FRRS1: variants seen among roughly 807,000 people sequenced by gnomAD.
FRRS1 encodes the protein ferric chelate reductase 1, also known as ferric reductase 1.
A neutral mutation model predicts 70.7 loss-of-function variants in FRRS1; 51 were observed. That is an observed-to-expected ratio of 0.72 (90% CI 0.58 to 0.91). The LOEUF is 0.91. Ranked by LOEUF, FRRS1 falls within the 40% of genes least tolerant of loss-of-function variation. The pLI is 0.00. For synonymous variants in FRRS1, 225 were observed against 238.7 expected (o/e 0.94, Z 0.53); for missense variants, 672 against 726.0 (o/e 0.93, Z 0.86).
intron 7 of FRRS1, among the ~76,000 whole-genome samples, chr1:99,735,857 T>C (rs953781090): frequency 1.3e-5 from 2 of 152,216 alleles, no homozygotes; most frequent in African/African-American, 4.8e-5. Flanking sequence ...CCCTCTTGCT[T>C]ACAGGTTTTA....
intron 7 of FRRS1, among the ~76,000 whole-genome samples, chr1:99,733,463 A>C (rs1018622003): frequency 1.3e-5 from 2 of 152,242 alleles, no homozygotes; most frequent in Non-Finnish European, 2.9e-5. Context: ...AATGCATGAA[A>C]GTATGAATGG....
At chr1:99,712,541 G>A (rs2100902127) in intron 12 of FRRS1, 26 bp from the exon 13 acceptor site, 1 of 1,288,214 alleles carries the variant, frequency 7.8e-7, no homozygotes, top group Non-Finnish European at 1.1e-6. Flanking sequence ...TCATTTTAAT[G>A]GCCTCAATCT....
At position 99,741,108 on chromosome 1, in the gene FRRS1, C is replaced by T. The variant is rs377333420; in HGVS notation, c.429-168G>A. ...AAATCTCTAACCACTCTCTCCCACC[C>T]GATCACTTGACAAATTTTTATTGCT... On this transcript the variant is annotated intron_variant, in intron 5 of 16. Coordinates refer to ENST00000646001, the MANE Select transcript of FRRS1 (RefSeq NM_001361041.2). Among the ~76,000 whole-genome samples the T allele has an allele frequency of 7.7e-4, 117 of 152,310 alleles. 2 individuals are homozygous for T. In the South Asian group the frequency reaches 0.024, roughly 31 times the overall value.
intron 1 of FRRS1, among the ~76,000 whole-genome samples, chr1:99,758,833 A>G (rs544693024): frequency 2.0e-5 from 3 of 152,234 alleles, no homozygotes; most frequent in African/African-American, 2.4e-5. Context: ...TACCCTGGGA[A>G]AGGAATGCAC....
chr1:99,764,457 G>A (rs1308380048), intron 1 of FRRS1, among the ~76,000 whole-genome samples: 2 of 152,122 alleles, frequency 1.3e-5, no homozygotes, highest in Admixed American at 6.5e-5. Flanking sequence ...AGACTGTACA[G>A]AAACTGATTT....
Position 99,747,378 on chromosome 1 carries a change from A to T in FRRS1, c.249T>A (p.Ala83=). ...FKGFLLEARN[A]EDLNGPPIGS... Reference sequence around the variant, plus strand: ...CAATAGGAGGGCCATTCAGATCCTCAGCATTACGCGCTTCTAGGAGAAAGC... The same window carrying T: ...CAATAGGAGGGCCATTCAGATCCTCTGCATTACGCGCTTCTAGGAGAAAGC... The change falls in exon 4 of 17, where the codon GCT becomes GCA. Residue 83 remains alanine (A), a synonymous_variant. Transcript: ENST00000646001. 1 of 1,613,680 alleles carries T rather than the reference A, an allele frequency of 6.2e-7. No homozygotes were observed. The highest frequency in any genetic ancestry group is 8.5e-7 in the Non-Finnish European group (1 of 1,179,548).
At chr1:99,739,194 G>GT (rs1224936766) in intron 6 of FRRS1, among the ~76,000 whole-genome samples, 1 of 152,142 alleles carries the variant, frequency 6.6e-6, no homozygotes, top group East Asian at 1.9e-4. Flanking sequence ...CAAGAAAACT[G>GT]TAAGAAATAG....
rs537191636 is a variant in FRRS1 at position 99,720,237 on chromosome 1, T to C, written c.1007-590A>G. Reference sequence around the variant, plus strand: ...TAAATTATTTCATTATTACCATTTATTGTGTACAAAATTAAATCAGTGAAT... The same window carrying C: ...TAAATTATTTCATTATTACCATTTACTGTGTACAAAATTAAATCAGTGAAT... On this transcript the variant is annotated intron_variant, in intron 9 of 16. Coordinates refer to ENST00000646001, the MANE Select transcript of FRRS1 (RefSeq NM_001361041.2). Among the ~76,000 whole-genome samples, 3 of 152,328 alleles carry C rather than the reference T, an allele frequency of 2.0e-5. No individual in the cohort carries two copies. In the East Asian group the frequency reaches 5.8e-4, roughly 29 times the overall value.
chr1:99,747,055 A>C (rs1656309901), intron 4 of FRRS1, among the ~76,000 whole-genome samples: 1 of 152,158 alleles, frequency 6.6e-6, no homozygotes. Flanking sequence ...TTATTTTCTT[A>C]ATAAGATTTT....
At chr1:99,720,807 GT>G (rs1654778165) in intron 9 of FRRS1, among the ~76,000 whole-genome samples, 1 of 145,490 alleles carries the variant, frequency 6.9e-6, no homozygotes, top group Non-Finnish European at 1.5e-5. Flanking sequence ...TTCAAAAAAA[GT>G]TTTTATCATC....
At chr1:99,739,237 A>C (rs1438115159) in intron 6 of FRRS1, among the ~76,000 whole-genome samples, 20 of 152,232 alleles carry the variant, frequency 1.3e-4, no homozygotes, top group Admixed American at 1.3e-3. Context: ...TAAAAATGCT[A>C]TAAACCTTTG....
chr1:99,720,772 CAT>C (rs368615696), intron 9 of FRRS1, among the ~76,000 whole-genome samples: 9 of 150,948 alleles, frequency 6.0e-5, no homozygotes, highest in Admixed American at 2.0e-4. Flanking sequence ...CATAACAAAA[CAT>C]GTGTGATGCA....
At position 99,704,858 on chromosome 1, in the gene FRRS1, G is replaced by T. The variant is rs1259590884; in HGVS notation, c.*4170C>A. ...CAGAGGAGAGCCCAGGCAGTCTAGC[G>T]GCCCAACTCCAGGGGAAAACCATCT... is the stretch of plus-strand genomic sequence containing the variant. On this transcript the variant is annotated 3_prime_UTR_variant, in exon 17 of 17. Transcript: ENST00000646001. Among the ~76,000 whole-genome samples, 2 of 152,098 alleles carry T rather than the reference G, an allele frequency of 1.3e-5. No homozygotes were observed. The highest frequency in any genetic ancestry group is 2.9e-5 in the Non-Finnish European group (2 of 68,014).
chr1:99,730,044 ATT>A (rs1655270416), intron 7 of FRRS1, among the ~76,000 whole-genome samples: 1 of 152,082 alleles, frequency 6.6e-6, no homozygotes, highest in Admixed American at 6.5e-5. Context: ...CCACTTTAAT[ATT>A]TTCATGTATA....
chr1:99,736,502 A>G (rs895655548), intron 7 of FRRS1, among the ~76,000 whole-genome samples: 1 of 151,972 alleles, frequency 6.6e-6, no homozygotes, highest in African/African-American at 2.4e-5. Context: ...CATCATTCTC[A>G]GCAAACTATC....
intron 4 of FRRS1, among the ~76,000 whole-genome samples, chr1:99,745,800 T>C (rs188252614): frequency 6.6e-6 from 1 of 152,292 alleles, no homozygotes; most frequent in Admixed American, 6.5e-5. Context: ...GAGGTGTTTG[T>C]GTCAGGAGAG....
chr1:99,760,485 C>CA (rs1393839095), intron 1 of FRRS1, among the ~76,000 whole-genome samples: 1 of 152,074 alleles, frequency 6.6e-6, no homozygotes, highest in Non-Finnish European at 1.5e-5. Flanking sequence ...AAAAATGTTT[C>CA]AGACTCCATT....
At position 99,704,990 on chromosome 1, in the gene FRRS1, A is replaced by ACCCTGGTAC; in HGVS notation, c.*4037_*4038insGTACCAGGG. ...GATTCTCCTGGTACACCAAGGCAAG[A>ACCCTGGTAC]ACCCAGGGATACAGAAAGCCCTCTG... is the stretch of plus-strand genomic sequence containing the variant. On this transcript the variant is annotated 3_prime_UTR_variant, in exon 17 of 17. Coordinates refer to ENST00000646001, the MANE Select transcript of FRRS1 (RefSeq NM_001361041.2). Among the ~76,000 whole-genome samples the ACCCTGGTAC allele has an allele frequency of 6.6e-6, 1 of 152,212 alleles. No homozygotes were observed.
chr1:99,725,590 G>A (rs533988205), intron 9 of FRRS1, among the ~76,000 whole-genome samples: 12 of 152,256 alleles, frequency 7.9e-5, no homozygotes, highest in Non-Finnish European at 1.2e-4. Flanking sequence ...CACATTAAGC[G>A]CGACACTTGG....
Sources: allele counts gnomAD v4.1 joint callset (sites outside exome capture counted in the v4.1 genomes callset), GRCh38; gene constraint gnomAD v4.1.1; transcripts MANE v1.5; gene names NCBI Gene and HGNC (gene_info 2026-07-23, HGNC 2026-07-21).